Variants in SGCD observed in about 807,000 individuals in gnomAD.
SGCD encodes the protein delta-sarcoglycan.
In SGCD, 18 loss-of-function variants were observed where a neutral mutation model predicts 36.6. The ratio of observed to expected loss-of-function variants is 0.49; its 90% CI spans 0.34 to 0.73. The LOEUF is 0.73. Among genes scored for constraint, SGCD ranks in the 30% least tolerant of loss-of-function variants. The pLI is 0.01. For synonymous variants in SGCD, 133 were observed against 130.6 expected (o/e 1.02, Z -0.12); for missense variants, 387 against 346.7 (o/e 1.12, Z -0.92).
At chr5:156,524,077 T>A (rs1757525543) in intron 4 of SGCD, among the ~76,000 whole-genome samples, 1 of 117,448 alleles carries the variant, frequency 8.5e-6, no homozygotes, top group South Asian at 2.8e-4. Context: ...CTATGGATGA[T>A]GATAAGTGAG....
chr5:155,841,262 A>G, the SGCD span, among the ~76,000 whole-genome samples: 1 of 152,228 alleles, frequency 6.6e-6, no homozygotes, highest in Non-Finnish European at 1.5e-5. Flanking sequence ...TACAGGGGAA[A>G]CCATTTTTAT....
intron 1 of SGCD, among the ~76,000 whole-genome samples, chr5:156,076,165 C>T (rs1760780186): frequency 6.6e-6 from 1 of 152,002 alleles, no homozygotes; most frequent in South Asian, 2.1e-4. Context: ...GTGGGCCATT[C>T]TCTGCCATTT....
At chr5:156,241,268 G>GTGTC (rs1035934922) in intron 3 of SGCD, among the ~76,000 whole-genome samples, 4 of 149,870 alleles carry the variant, frequency 2.7e-5, no homozygotes, top group Non-Finnish European at 5.9e-5. Flanking sequence ...GTGTGTGTGT[G>GTGTC]TGTGTGTGTG....
At chr5:156,619,950 G>A (rs1319438146) in intron 6 of SGCD, among the ~76,000 whole-genome samples, 2 of 152,094 alleles carry the variant, frequency 1.3e-5, no homozygotes, top group Admixed American at 1.3e-4. Flanking sequence ...ATGGGGTAAG[G>A]GTTAATCCAA....
chr5:156,466,618 G>A (rs1283757325), intron 3 of SGCD, among the ~76,000 whole-genome samples: 1 of 152,092 alleles, frequency 6.6e-6, no homozygotes, highest in Admixed American at 6.6e-5. Context: ...GTGTGGGCTT[G>A]CACGGATAAC....
chr5:156,403,584 G>T (rs1282705650), intron 3 of SGCD, among the ~76,000 whole-genome samples: 1 of 152,132 alleles, frequency 6.6e-6, no homozygotes, highest in Non-Finnish European at 1.5e-5. Context: ...CGTTCACTAG[G>T]CTGCAAAAGA....
Position 155,999,035 on chromosome 5 carries a change from C to T in SGCD, c.-281-118843C>T, listed in dbSNP as rs953849785. Among the ~76,000 whole-genome samples, 16 of 152,300 alleles carry T rather than the reference C, an allele frequency of 1.1e-4. No individual in the cohort carries two copies. The South Asian group carries it at 2.9e-3, about 28-fold the overall frequency. ...GATTTCTCTGCTTTTATGATACCTG[C>T]ACCTGCAACTAACACCCCCACTCCT... is the stretch of plus-strand genomic sequence containing the variant. On this transcript the variant is annotated intron_variant, in intron 1 of 9. Transcript: ENST00000517913.
chr5:156,688,089 G>GT (rs1282340424), intron 7 of SGCD, among the ~76,000 whole-genome samples: 6 of 152,074 alleles, frequency 3.9e-5, no homozygotes, highest in African/African-American at 1.4e-4. Context: ...AATTTCAGGG[G>GT]TACATGTGCA....
intron 7 of SGCD, among the ~76,000 whole-genome samples, chr5:156,748,354 T>TAAG (rs2113128489): frequency 6.6e-6 from 1 of 152,306 alleles, no homozygotes; most frequent in South Asian, 2.1e-4. Flanking sequence ...TTACTGTATA[T>TAAG]AAGTTCTACC....
At chr5:155,836,908 T>C in the SGCD span, among the ~76,000 whole-genome samples, 1 of 152,226 alleles carries the variant, frequency 6.6e-6, no homozygotes, top group Non-Finnish European at 1.5e-5. Flanking sequence ...AGTAGCCAAG[T>C]TGGTGTTACA....
chr5:155,894,828 G>A (rs1756212310), intron 1 of SGCD, among the ~76,000 whole-genome samples: 1 of 152,082 alleles, frequency 6.6e-6, no homozygotes, highest in South Asian at 2.1e-4. Flanking sequence ...ATGGTGAGTT[G>A]TATAATTATT....
chr5:155,850,191 A>G, the SGCD span, among the ~76,000 whole-genome samples: 1 of 152,138 alleles, frequency 6.6e-6, no homozygotes, highest in Non-Finnish European at 1.5e-5. Flanking sequence ...CTGTAATGCA[A>G]CTTTGCTGAC....
intron 4 of SGCD, among the ~76,000 whole-genome samples, chr5:156,551,210 T>A (rs1348151181): frequency 2.6e-5 from 4 of 152,216 alleles, no homozygotes; most frequent in Non-Finnish European, 5.9e-5. Context: ...CTTCACTTTA[T>A]CCAGATCTCT....
intron 3 of SGCD, among the ~76,000 whole-genome samples, chr5:156,291,293 A>T (rs1211840110): frequency 6.6e-6 from 1 of 152,158 alleles, no homozygotes; most frequent in Non-Finnish European, 1.5e-5. Flanking sequence ...ACTCAAGGTG[A>T]TCGACATCCC....
chr5:155,918,997 T>C (rs1212589237), intron 1 of SGCD, among the ~76,000 whole-genome samples: 1 of 152,274 alleles, frequency 6.6e-6, no homozygotes, highest in Admixed American at 6.5e-5. Context: ...CTGATTGATA[T>C]GCATTGTTTC....
intron 3 of SGCD, among the ~76,000 whole-genome samples, chr5:156,202,382 CT>C (rs1170589541): frequency 6.6e-6 from 1 of 152,150 alleles, no homozygotes; most frequent in Non-Finnish European, 1.5e-5. Flanking sequence ...TCTGATGTTG[CT>C]TATATGGCCT....
At chr5:156,363,156 A>T (rs1236446603) in intron 3 of SGCD, among the ~76,000 whole-genome samples, 2 of 152,178 alleles carry the variant, frequency 1.3e-5, no homozygotes, top group Non-Finnish European at 2.9e-5. Context: ...TATGAAGTTT[A>T]TACAAGCATA....
the SGCD span, among the ~76,000 whole-genome samples, chr5:155,788,226 A>C: frequency 6.6e-6 from 1 of 152,176 alleles, no homozygotes; most frequent in African/African-American, 2.4e-5. Flanking sequence ...CTTCTACTTC[A>C]AAATAATGTT....
intron 1 of SGCD, among the ~76,000 whole-genome samples, chr5:155,984,541 A>G (rs1758291735): frequency 6.6e-6 from 1 of 152,188 alleles, no homozygotes; most frequent in Non-Finnish European, 1.5e-5. Context: ...TTTTATGGAC[A>G]ATCGTTAGAA....
Sources: gnomAD v4.1 joint callset for allele counts (sites outside exome capture counted in the v4.1 genomes callset) on GRCh38, gnomAD v4.1.1 for gene constraint, MANE v1.5 for transcripts, NCBI Gene and HGNC (gene_info 2026-07-23, HGNC 2026-07-21) for gene names.